IGF1: variants seen among roughly 807,000 people sequenced by gnomAD.
IGF1 encodes insulin like growth factor 1.
In IGF1, 4 loss-of-function variants were observed where a neutral mutation model predicts 13.8. That is an observed-to-expected ratio of 0.29 (90% CI 0.14 to 0.66). IGF1 has a LOEUF of 0.66. Ranked by LOEUF, IGF1 falls within the 30% of genes least tolerant of loss-of-function variation. The pLI is 0.78. For synonymous variants in IGF1, 76 were observed against 72.6 expected, an observed-to-expected ratio of 1.05 and a Z score of -0.23; for missense variants, 124 against 188.5, an observed-to-expected ratio of 0.66 and a Z score of 2.00.
chr12:102,448,025 T>C (rs1463989811), intron 2 of IGF1, among the ~76,000 whole-genome samples: 1 of 152,054 alleles, frequency 6.6e-6, no homozygotes, highest in Admixed American at 6.5e-5. Context: ...TCTATCCATC[T>C]GACAAAGGGT....
At chr12:102,442,763 T>C (rs2137103821) in intron 2 of IGF1, among the ~76,000 whole-genome samples, 1 of 152,278 alleles carries the variant, frequency 6.6e-6, no homozygotes, top group East Asian at 1.9e-4. Context: ...TCAAGAAATA[T>C]GGCCGCCAGG....
chr12:102,473,174 G>T (rs553543832), intron 2 of IGF1, among the ~76,000 whole-genome samples: 35 of 152,266 alleles, frequency 2.3e-4, no homozygotes, highest in African/African-American at 7.7e-4. Context: ...CATTGACAGG[G>T]TATTATTCTT....
At chr12:102,428,561 C>A (rs532463859) in intron 2 of IGF1, among the ~76,000 whole-genome samples, 1 of 152,096 alleles carries the variant, frequency 6.6e-6, no homozygotes, top group South Asian at 2.1e-4. Flanking sequence ...TTTTGAAAAC[C>A]GGAGTCCTAA....
intron 2 of IGF1, among the ~76,000 whole-genome samples, chr12:102,442,175 C>T (rs914618200): frequency 2.6e-5 from 4 of 150,978 alleles, no homozygotes; most frequent in African/African-American, 7.3e-5. Context: ...TCTCGAACTC[C>T]TCAGCTCAAG....
chr12:102,425,573 G>T (rs1477223651), intron 2 of IGF1, among the ~76,000 whole-genome samples: 1 of 152,186 alleles, frequency 6.6e-6, no homozygotes, highest in African/African-American at 2.4e-5. Flanking sequence ...GTTCTATGGG[G>T]CTGCCCCTTT....
chr12:102,451,247 T>A (rs1468439788), intron 2 of IGF1, among the ~76,000 whole-genome samples: 1 of 152,262 alleles, frequency 6.6e-6, no homozygotes. Context: ...CCTGTAACTC[T>A]TTGATGCATT....
At chr12:102,450,581 A>G (rs1209754996) in intron 2 of IGF1, among the ~76,000 whole-genome samples, 1 of 152,214 alleles carries the variant, frequency 6.6e-6, no homozygotes, top group East Asian at 1.9e-4. Context: ...GGCCTTCATC[A>G]TCTAATCTGG....
At chr12:102,434,977 T>C (rs1208377376) in intron 2 of IGF1, among the ~76,000 whole-genome samples, 1 of 152,164 alleles carries the variant, frequency 6.6e-6, no homozygotes, top group Non-Finnish European at 1.5e-5. Flanking sequence ...TCCACAACCA[T>C]GGATAGAAAA....
chr12:102,441,957 T>TCTTCTTCTTCTTCTTC (rs71438463), intron 2 of IGF1, among the ~76,000 whole-genome samples: 84 of 134,558 alleles, frequency 6.2e-4, no homozygotes, highest in East Asian at 1.9e-3. Flanking sequence ...TTCTTCTTCT[T>TCTTCTTCTTCTTCTTC]TTTTTTTTTT....
At chr12:102,427,615 A>G (rs1013711180) in intron 2 of IGF1, among the ~76,000 whole-genome samples, 5 of 152,156 alleles carry the variant, frequency 3.3e-5, no homozygotes, top group Non-Finnish European at 7.4e-5. Context: ...TGACATGGCC[A>G]GGATGGCAGG....
intron 2 of IGF1, among the ~76,000 whole-genome samples, chr12:102,430,865 G>A (rs908848055): frequency 1.3e-5 from 2 of 152,174 alleles, no homozygotes; most frequent in Non-Finnish European, 2.9e-5. Context: ...GTTGGACTCT[G>A]AGCCATCACA....
chr12:102,431,777 A>G (rs1565978233), intron 2 of IGF1, among the ~76,000 whole-genome samples: 1 of 152,196 alleles, frequency 6.6e-6, no homozygotes, highest in Non-Finnish European at 1.5e-5. Flanking sequence ...ATTTGAGTAC[A>G]TGGAGTTGCA....
intron 2 of IGF1, among the ~76,000 whole-genome samples, chr12:102,473,118 C>T (rs1880791641): frequency 6.6e-6 from 1 of 152,158 alleles, no homozygotes; most frequent in Admixed American, 6.5e-5. Flanking sequence ...GAGCTAGACA[C>T]TTGGATTCAA....
chr12:102,449,456 A>G (rs1223606395), intron 2 of IGF1, among the ~76,000 whole-genome samples: 4 of 151,936 alleles, frequency 2.6e-5, no homozygotes, highest in Non-Finnish European at 5.9e-5. Context: ...TGACGGCTTG[A>G]TGGGTGCAGT....
intron 3 of IGF1, among the ~76,000 whole-genome samples, chr12:102,412,719 A>C (rs1874754013): frequency 6.6e-6 from 1 of 152,232 alleles, no homozygotes; most frequent in South Asian, 2.1e-4. Flanking sequence ...TGGTATGATA[A>C]GAACTTTCTT....
chr12:102,452,034 G>A (rs368422732), intron 2 of IGF1, among the ~76,000 whole-genome samples: 652 of 152,114 alleles, frequency 4.3e-3, no homozygotes, highest in Middle Eastern at 0.01. Context: ...AGGCCGAGGC[G>A]GGCGGATCAC....
chr12:102,402,535 C>T lies in IGF1; in HGVS notation c.434G>A (p.Ser145Asn). The change falls in exon 4 of 4, where the codon AGT (serine) becomes AAT (asparagine). Residue 145 changes from serine to asparagine, a missense_variant. By Grantham distance (46) the Ser-to-Asn change is conservative. This residue lies in a region of IGF1 where 25 missense variants were observed against 17.1 expected (regional missense o/e 1.47). Coordinates refer to ENST00000337514, the MANE Select transcript of IGF1 (RefSeq NM_000618.5). ...CATCCTGTAGTTCTTGTTTCCTGCA[C>T]TCCCTCTACTTGCGTTCTTCAAATG... Reference protein sequence around the residue: ...EVHLKNASRGSAGNKNYRM With the variant: ...EVHLKNASRGNAGNKNYRM The T allele has an allele frequency of 2.6e-6, 2 of 780,878 alleles. No homozygotes were observed. 48.4% of individuals were successfully genotyped at this position (780,878 alleles called of 1,614,324 possible).
chr12:102,460,301 A>G (rs1292709301), intron 2 of IGF1, among the ~76,000 whole-genome samples: 1 of 152,220 alleles, frequency 6.6e-6, no homozygotes, highest in East Asian at 1.9e-4. Context: ...TTCCATGTGC[A>G]TAGAGCTGTG....
At chr12:102,416,272 T>C (rs1875131900) in intron 3 of IGF1, among the ~76,000 whole-genome samples, 1 of 152,238 alleles carries the variant, frequency 6.6e-6, no homozygotes, top group Admixed American at 6.5e-5. Context: ...TTCTCAGCTC[T>C]TCTAATTCAC....
Sources: allele counts gnomAD v4.1 joint callset (sites outside exome capture counted in the v4.1 genomes callset), GRCh38; gene constraint gnomAD v4.1.1; regional missense constraint gnomAD v4.1.1; transcripts MANE v1.5; gene names NCBI Gene and HGNC (gene_info 2026-07-23, HGNC 2026-07-21).